The following MRPL12 variants were observed in gnomAD, a reference collection of about 807,000 sequenced individuals.
MRPL12 encodes the protein mitochondrial ribosomal protein L12.
A neutral mutation model predicts 21.1 loss-of-function variants in MRPL12; 13 were observed. That is an observed-to-expected ratio of 0.62 (90% CI 0.40 to 0.98). The LOEUF (loss-of-function observed/expected upper bound fraction) is 0.98. Ranked by LOEUF, MRPL12 falls within the 50% of genes least tolerant of loss-of-function variation. MRPL12 has a pLI of 0.00. For synonymous variants in MRPL12, 126 were observed against 115.3 expected (o/e 1.09, Z -0.60); for missense variants, 251 against 268.6 (o/e 0.93, Z 0.46).
At chr17:81,703,684 G>A in intron 1 of MRPL12, 109 bp downstream of exon 1, 1 of 1,051,832 alleles carries the variant, frequency 9.5e-7, no homozygotes, top group Non-Finnish European at 1.2e-6. Context: ...TCCCTGCAGC[G>A]GCCAGGCCGG....
At chr17:81,705,008 G>T (rs1189297457) in intron 3 of MRPL12, among the ~76,000 whole-genome samples, 2 of 152,108 alleles carry the variant, frequency 1.3e-5, no homozygotes, top group African/African-American at 4.8e-5. Flanking sequence ...GCCGAGACGG[G>T]TGGATCACTT....
chr17:81,706,842 A>G, intron 3 of MRPL12, 64 bp from the exon 4 acceptor site: 1 of 1,580,846 alleles, frequency 6.3e-7, no homozygotes, highest in East Asian at 2.3e-5. Flanking sequence ...GTGGCCCAGC[A>G]GTGGAGGCGT....
chr17:81,704,368 C>G lies in MRPL12; in HGVS notation c.199C>G (p.Leu67Val). The stretch of plus-strand genomic sequence containing the variant: ...GGAGTACCCCCCCAAGATACAGCAG[C>G]TGGTCCAGGACATCGCCAGCCTCAC... ...PKEYPPKIQQ[L>V]VQDIASLTLL... Residue 67 changes from leucine to valine, a missense_variant, in exon 2 of 5, where the codon CTG becomes GTG. Coordinates refer to ENST00000333676, the MANE Select transcript of MRPL12 (RefSeq NM_002949.4). 6.2e-7 allele frequency: 1 copy of G among 1,613,708 alleles called. No individual in the cohort carries two copies. Among genetic ancestry groups the G allele is most frequent in the Non-Finnish European group, 8.5e-7 (1 of 1,179,964 alleles).
intron 1 of MRPL12, 64 bp downstream of exon 1, chr17:81,703,639 G>A (rs865973488): frequency 3.1e-6 from 4 of 1,274,868 alleles, no homozygotes; most frequent in Middle Eastern, 3.0e-4. Flanking sequence ...GGCACTGAGG[G>A]GTCGATCCGG....
intron 2 of MRPL12, 28 bp from the exon 3 acceptor site, chr17:81,704,605 C>T (rs547211585): frequency 3.7e-6 from 6 of 1,612,372 alleles, no homozygotes; most frequent in Non-Finnish European, 5.1e-6. Flanking sequence ...TGAGGGCCAG[C>T]TGTGGACACT....
Position 81,707,332 on chromosome 17 carries a change from C to T in MRPL12, c.*92C>T, listed in dbSNP as rs1242510312. On this transcript the variant is annotated 3_prime_UTR_variant, in exon 5 of 5. Transcript: ENST00000333676. ...CACTGGCTCCGCCCCCAGCACCAGG[C>T]GCCCAGTGGAGCCGTTTGGGAGAAT... 4 of 1,243,170 alleles carry T rather than the reference C, an allele frequency of 3.2e-6. No individual in the cohort carries two copies. The highest frequency in any genetic ancestry group is 1.4e-5 in the South Asian group (1 of 69,070). 77.0% of individuals were successfully genotyped at this position (1,243,170 alleles called of 1,614,324 possible).
rs776679557 is a variant in MRPL12 at position 81,706,874 on chromosome 17, C to T, written c.346-32C>T. ...GCGTTAGCTCCCCCCAGCCCTTTGTCACCTGGCTCCCCTTCTTTCCTGCTC... is the reference window on the plus strand; with the variant it reads ...GCGTTAGCTCCCCCCAGCCCTTTGTTACCTGGCTCCCCTTCTTTCCTGCTC... On this transcript the variant is annotated intron_variant, in intron 3 of 4. Coordinates refer to ENST00000333676, the MANE Select transcript of MRPL12 (RefSeq NM_002949.4). 1.9e-6 allele frequency: 3 copies of T among 1,609,792 alleles called. No homozygotes were observed. In the South Asian group the frequency reaches 3.3e-5, roughly 18 times the overall value.
chr17:81,706,453 G>T (rs1183166469), intron 3 of MRPL12, among the ~76,000 whole-genome samples: 1 of 152,152 alleles, frequency 6.6e-6, no homozygotes, highest in East Asian at 1.9e-4. Flanking sequence ...TTGACCTCAA[G>T]TGATCCACCC....
chr17:81,703,522 C>A lies in MRPL12; in HGVS notation c.21C>A (p.Arg7=). MLPAAA[R]PLWGPCLGLR... ...GACCGATGCTGCCGGCGGCCGCTCGCCCCCTGTGGGGGCCTTGCCTTGGGC... is the reference window on the plus strand; with the variant it reads ...GACCGATGCTGCCGGCGGCCGCTCGACCCCTGTGGGGGCCTTGCCTTGGGC... The change falls in exon 1 of 5, where the codon CGC becomes CGA. Residue 7 remains arginine, a synonymous_variant. Coordinates refer to ENST00000333676, the MANE Select transcript of MRPL12 (RefSeq NM_002949.4). 6.7e-7 allele frequency: 1 copy of A among 1,483,620 alleles called. No homozygotes were observed. The highest frequency in any genetic ancestry group is 1.3e-5 in the South Asian group (1 of 79,270). 91.9% of individuals were successfully genotyped at this position (1,483,620 alleles called of 1,614,324 possible).
At chr17:81,706,130 G>A (rs1252671245) in intron 3 of MRPL12, among the ~76,000 whole-genome samples, 1 of 152,244 alleles carries the variant, frequency 6.6e-6, no homozygotes, top group Admixed American at 6.5e-5. Context: ...GTGCACTGCA[G>A]TGTGGCTGAG....
At chr17:81,705,461 G>C (rs897791301) in intron 3 of MRPL12, among the ~76,000 whole-genome samples, 1 of 151,556 alleles carries the variant, frequency 6.6e-6, no homozygotes, top group African/African-American at 2.4e-5. Flanking sequence ...TGTAAGCATT[G>C]TGGGGAAAAG....
chr17:81,705,992 T>C (rs2037309785), intron 3 of MRPL12, among the ~76,000 whole-genome samples: 1 of 152,198 alleles, frequency 6.6e-6, no homozygotes, highest in African/African-American at 2.4e-5. Flanking sequence ...AAGATGTTAT[T>C]AATAGCCTTC....
Position 81,707,468 on chromosome 17 carries a change from C to T in MRPL12, c.*228C>T, listed in dbSNP as rs1009698392. ...CCGGAGGCCCACCAGGACGCGCCAC[C>T]GGTGAATGTGCCTCTGGTGGCTGCT... On this transcript the variant is annotated 3_prime_UTR_variant, in exon 5 of 5. Transcript: ENST00000333676. 2.3e-5 allele frequency: 12 copies of T among 531,752 alleles called. No homozygotes were observed. The highest frequency in any genetic ancestry group is 1.5e-4 in the African/African-American group (8 of 51,728). The allele number at this position is 531,752 out of a possible 1,614,324, so 32.9% of individuals were successfully genotyped here.
chr17:81,706,997 TC>T lies in MRPL12; in HGVS notation c.438del (p.Lys147ArgfsTer118). Reference sequence around the variant, plus strand: ...AAGCCCGTGGACAAAGTGAAGCTGATCAAGGAAATCAAGAACTACATCCAAG... The same window carrying T: ...AAGCCCGTGGACAAAGTGAAGCTGATAAGGAAATCAAGAACTACATCCAAG... ...EAKPVDKVKL[I>X]KEIKNYIQGI... On this transcript the variant is annotated frameshift_variant, in exon 4 of 5. Transcript: ENST00000333676. LOFTEE classifies it high-confidence loss of function. 1.2e-6 allele frequency: 2 copies of T among 1,614,112 alleles called. No individual in the cohort carries two copies. Among genetic ancestry groups the T allele is most frequent in the Non-Finnish European group, 1.7e-6 (2 of 1,180,036 alleles).
chr17:81,704,587 G>A lies in MRPL12; in HGVS notation c.262-46G>A, dbSNP rs187029830. ...TAGTTGCCCCTCCTCAGTAGGTTCCGGCTGGTGTGAGGGCCAGCTGTGGAC... is the reference window on the plus strand; with the variant it reads ...TAGTTGCCCCTCCTCAGTAGGTTCCAGCTGGTGTGAGGGCCAGCTGTGGAC... On this transcript the variant is annotated intron_variant, in intron 2 of 4. Transcript: ENST00000333676. 50 of 1,605,802 alleles carry A rather than the reference G, an allele frequency of 3.1e-5. No individual in the cohort carries two copies. The Admixed American group carries it at 4.7e-4, about 15-fold the overall frequency.
intron 3 of MRPL12, 83 bp downstream of exon 3, chr17:81,704,799 C>T (rs1568223566): frequency 1.7e-6 from 2 of 1,186,390 alleles, no homozygotes; most frequent in East Asian, 2.3e-5. Flanking sequence ...ATCTCAGGTT[C>T]TGCAGCTACC....
chr17:81,705,883 G>A (rs1054913990), intron 3 of MRPL12, among the ~76,000 whole-genome samples: 1 of 152,238 alleles, frequency 6.6e-6, no homozygotes, highest in Non-Finnish European at 1.5e-5. Context: ...CTGGAAGGTA[G>A]TTTAAAGGCT....
rs752819177 is a variant in MRPL12, at chr17:81,704,269, G to A, written c.100G>A (p.Val34Met). Residue 34 changes from valine (V) to methionine (M), a missense_variant, in exon 2 of 5, where the codon GTG becomes ATG. Val to Met is a conservative substitution (Grantham distance 21, BLOSUM62 1). Coordinates refer to ENST00000333676, the MANE Select transcript of MRPL12 (RefSeq NM_002949.4). ...ARRQVPCVCAVRHMRSSGHQR... is the reference protein window; with the variant it reads ...ARRQVPCVCAMRHMRSSGHQR... ...GCGACAGGTGCCATGTGTCTGTGCC[G>A]TGCGACATATGAGGAGCAGCGGCCA... is the stretch of plus-strand genomic sequence containing the variant. 8.7e-6 allele frequency: 14 copies of A among 1,611,644 alleles called. No individual in the cohort carries two copies. Among genetic ancestry groups the A allele is most frequent in the East Asian group, 2.2e-5 (1 of 44,890 alleles).
At chr17:81,706,183 C>G (rs954694753) in intron 3 of MRPL12, among the ~76,000 whole-genome samples, 1 of 152,166 alleles carries the variant, frequency 6.6e-6, no homozygotes, top group African/African-American at 2.4e-5. Flanking sequence ...CTTTTGGTGT[C>G]GTTCTTTCCT....
Sources: allele counts gnomAD v4.1 joint callset (sites outside exome capture counted in the v4.1 genomes callset), GRCh38; gene constraint gnomAD v4.1.1; transcripts MANE v1.5; gene names NCBI Gene and HGNC (gene_info 2026-07-23, HGNC 2026-07-21).